SH3RF2: variants seen among roughly 807,000 people sequenced by gnomAD.
The protein encoded by SH3RF2 is SH3 domain containing ring finger 2, also known as E3 ubiquitin-protein ligase SH3RF2.
In SH3RF2, 43 loss-of-function variants were observed where a neutral mutation model predicts 59.0. That is an observed-to-expected ratio of 0.73 (90% CI 0.57 to 0.94). The LOEUF is 0.94. SH3RF2 is among the 40% of genes least tolerant of loss of function. The pLI is 0.00. For missense variants in SH3RF2, 930 were observed against 940.1 expected, an observed-to-expected ratio of 0.99 and a Z score of 0.14; for synonymous variants, 391 against 391.5, an observed-to-expected ratio of 1.00 and a Z score of 0.01.
intron 4 of SH3RF2, among the ~76,000 whole-genome samples, chr5:146,010,405 G>A (rs541745618): frequency 6.6e-6 from 1 of 152,170 alleles, no homozygotes; most frequent in Admixed American, 6.6e-5. Context: ...GTAATGGGAT[G>A]GCTGGGTCAA....
At chr5:146,059,070 A>G (rs758217834) in intron 8 of SH3RF2, among the ~76,000 whole-genome samples, 16 of 152,112 alleles carry the variant, frequency 1.1e-4, no homozygotes, top group Non-Finnish European at 1.8e-4. Context: ...CAGCAGCCCA[A>G]TGATGTACTG....
chr5:145,952,729 C>G (rs1237437698), intron 2 of SH3RF2, among the ~76,000 whole-genome samples: 1 of 152,156 alleles, frequency 6.6e-6, no homozygotes, highest in Non-Finnish European at 1.5e-5. Flanking sequence ...GGATTGAATG[C>G]TTATAGATTA....
At chr5:145,972,358 G>A (rs2149962729) in intron 2 of SH3RF2, among the ~76,000 whole-genome samples, 1 of 152,310 alleles carries the variant, frequency 6.6e-6, no homozygotes, top group South Asian at 2.1e-4. Context: ...CTTCAGAACA[G>A]ATGGGTTTGC....
At chr5:145,938,984 G>A (rs947764101) in intron 2 of SH3RF2, among the ~76,000 whole-genome samples, 2 of 152,224 alleles carry the variant, frequency 1.3e-5, no homozygotes, top group African/African-American at 4.8e-5. Flanking sequence ...AGCAGGGGCT[G>A]CAATTAAAAA....
chr5:145,963,191 C>A (rs1758701008), intron 2 of SH3RF2, among the ~76,000 whole-genome samples: 1 of 151,954 alleles, frequency 6.6e-6, no homozygotes, highest in Non-Finnish European at 1.5e-5. Context: ...GCCACCACAC[C>A]CAGCCTTATT....
chr5:146,058,917 G>A (rs533723730), intron 8 of SH3RF2, among the ~76,000 whole-genome samples: 44 of 151,304 alleles, frequency 2.9e-4, no homozygotes, highest in South Asian at 1.9e-3. Flanking sequence ...CTCAGGAAGG[G>A]ACAAAACCAA....
At chr5:145,978,453 T>G (rs1430526249) in intron 2 of SH3RF2, among the ~76,000 whole-genome samples, 1 of 152,244 alleles carries the variant, frequency 6.6e-6, no homozygotes, top group Non-Finnish European at 1.5e-5. Context: ...TATGTCTTCA[T>G]GCCCTCCTGC....
intron 3 of SH3RF2, among the ~76,000 whole-genome samples, chr5:146,001,128 C>A (rs1247692899): frequency 1.3e-5 from 2 of 152,194 alleles, no homozygotes; most frequent in Admixed American, 6.5e-5. Flanking sequence ...TTGTGCCTCT[C>A]TTTTTCATTA....
intron 2 of SH3RF2, among the ~76,000 whole-genome samples, chr5:145,976,009 A>T (rs555216985): frequency 6.6e-6 from 1 of 152,260 alleles, no homozygotes; most frequent in African/African-American, 2.4e-5. Flanking sequence ...TACAGCTTGC[A>T]TAAGATAATG....
chr5:145,947,394 T>C (rs1758038736), intron 2 of SH3RF2, among the ~76,000 whole-genome samples: 2 of 152,184 alleles, frequency 1.3e-5, no homozygotes, highest in Non-Finnish European at 2.9e-5. Context: ...ACTCTGATCA[T>C]TGTTACTATG....
chr5:145,950,452 A>G (rs1196750719), intron 2 of SH3RF2, among the ~76,000 whole-genome samples: 1 of 152,218 alleles, frequency 6.6e-6, no homozygotes, highest in African/African-American at 2.4e-5. Flanking sequence ...CATGTTAATT[A>G]TATGCTGTGT....
In SH3RF2 at chr5:145,979,257, G is replaced by T. The variant is rs2149967762; in HGVS notation, c.379-20801G>T. Among the ~76,000 whole-genome samples the T allele has an allele frequency of 2.6e-5, 4 of 152,276 alleles. No individual in the cohort carries two copies. The South Asian group carries it at 8.3e-4, about 32-fold the overall frequency. On this transcript the variant is annotated intron_variant, in intron 2 of 9. Transcript: ENST00000359120. ...GACCTACTACAGAAGAAACTCTTGGGGTAGGGCCCAGCAATTTATTGCAAC... is the reference window on the plus strand; with the variant it reads ...GACCTACTACAGAAGAAACTCTTGGTGTAGGGCCCAGCAATTTATTGCAAC...
At chr5:145,959,275 G>T (rs1010204072) in intron 2 of SH3RF2, among the ~76,000 whole-genome samples, 5 of 152,044 alleles carry the variant, frequency 3.3e-5, no homozygotes, top group African/African-American at 1.2e-4. Context: ...TGATTATCAG[G>T]TCAAAGGGAT....
At chr5:146,080,181 T>G (rs1312579833) in exon 10 of SH3RF2, 1 of 152,096 alleles carries the variant, frequency 6.6e-6, no homozygotes, top group African/African-American at 2.4e-5. Context: ...AACCCAGAAA[T>G]GTGCAGTAGA....
intron 5 of SH3RF2, among the ~76,000 whole-genome samples, chr5:146,046,912 T>C (rs1254035769): frequency 6.6e-6 from 1 of 152,106 alleles, no homozygotes; most frequent in Admixed American, 6.6e-5. Flanking sequence ...GACAGGCACC[T>C]GCCATCACAC....
intron 3 of SH3RF2, among the ~76,000 whole-genome samples, chr5:146,003,045 C>G (rs1760491698): frequency 6.6e-6 from 1 of 152,140 alleles, no homozygotes; most frequent in African/African-American, 2.4e-5. Flanking sequence ...ATCCTAATTC[C>G]TGAGGAGCAT....
chr5:145,999,986 G>C, intron 2 of SH3RF2, 72 bp from the exon 3 acceptor site: 1 of 1,533,560 alleles, frequency 6.5e-7, no homozygotes, highest in Non-Finnish European at 8.8e-7. Context: ...CAATAAAAGG[G>C]GGAATGCTTG....
chr5:146,056,350 C>T (rs1762671960), intron 8 of SH3RF2, 137 bp downstream of exon 8: 2 of 1,354,136 alleles, frequency 1.5e-6, no homozygotes, highest in Non-Finnish European at 2.0e-6. Context: ...ATACAATTCC[C>T]AAATGATGAG....
intron 2 of SH3RF2, among the ~76,000 whole-genome samples, chr5:145,958,522 T>C (rs1758502941): frequency 6.6e-6 from 1 of 152,232 alleles, no homozygotes; most frequent in Non-Finnish European, 1.5e-5. Context: ...AAACCAAGTT[T>C]ATCACAGGTT....
Sources: gnomAD v4.1 joint callset for allele counts (sites outside exome capture counted in the v4.1 genomes callset) on GRCh38, gnomAD v4.1.1 for gene constraint, MANE v1.5 for transcripts, NCBI Gene and HGNC (gene_info 2026-07-23, HGNC 2026-07-21) for gene names.